The following KCNAB2 variants were observed in gnomAD, a reference collection of about 807,000 sequenced individuals.
KCNAB2 encodes potassium voltage-gated channel subfamily A regulatory beta subunit 2, also known as voltage-gated potassium channel subunit beta-2.
In KCNAB2, 29 loss-of-function variants were observed where a neutral mutation model predicts 63.6. That is an observed-to-expected ratio of 0.46 (90% confidence interval 0.34 to 0.62). KCNAB2 has a LOEUF of 0.62. Ranked by LOEUF, KCNAB2 falls within the 20% of genes least tolerant of loss-of-function variation. KCNAB2 has a pLI of 0.01. For synonymous variants in KCNAB2, 222 were observed against 224.2 expected (o/e 0.99, Z 0.09); for missense variants, 359 against 563.9 (o/e 0.64, Z 3.68).
chr1:6,009,593 A>C (rs1450574577), intron 1 of KCNAB2, among the ~76,000 whole-genome samples: 1 of 152,202 alleles, frequency 6.6e-6, no homozygotes, highest in Non-Finnish European at 1.5e-5. Context: ...CACACTTCAC[A>C]AAAGGGTGTC....
At chr1:6,055,541 A>T (rs1661746456) in intron 2 of KCNAB2, among the ~76,000 whole-genome samples, 1 of 152,074 alleles carries the variant, frequency 6.6e-6, no homozygotes, top group Non-Finnish European at 1.5e-5. Context: ...TTTTTGGTAG[A>T]GACAGAGTTT....
intron 1 of KCNAB2, among the ~76,000 whole-genome samples, chr1:6,018,344 C>T (rs530688861): frequency 2.5e-4 from 38 of 152,314 alleles, no homozygotes; most frequent in African/African-American, 7.9e-4. Context: ...AAAGCAGCCC[C>T]GGGCAATATG....
At chr1:5,995,272 C>T (rs78625297) in intron 1 of KCNAB2, among the ~76,000 whole-genome samples, 12,019 of 152,262 alleles carry the variant, frequency 0.079, 661 homozygotes, top group Middle Eastern at 0.12. Flanking sequence ...ACCCAGCAGC[C>T]GGTCATCCTT....
Position 6,099,495 on chromosome 1 carries a change from G to T in KCNAB2, c.*921G>T. 1 of 306,518 alleles carries T rather than the reference G, an allele frequency of 3.3e-6. No individual in the cohort carries two copies. Among genetic ancestry groups the T allele is most frequent in the Non-Finnish European group, 6.0e-6 (1 of 166,554 alleles). The allele number at this position is 306,518 out of a possible 1,614,324, so 19.0% of individuals were successfully genotyped here. ...GGTCATGTGCTCCTAGCTGCACGGT[G>T]GCTGCTGGCCACACCACGGCAAGTG... On this transcript the variant is annotated 3_prime_UTR_variant, in exon 16 of 16. Coordinates refer to ENST00000378083, the MANE Select transcript of KCNAB2 (RefSeq NM_001199862.2).
chr1:5,996,905 C>G (rs1171455709), intron 1 of KCNAB2, among the ~76,000 whole-genome samples: 1 of 152,202 alleles, frequency 6.6e-6, no homozygotes, highest in African/African-American at 2.4e-5. Context: ...GGAGCAACTT[C>G]CTGGGTCCTG....
intron 2 of KCNAB2, among the ~76,000 whole-genome samples, chr1:6,068,962 C>A (rs1213436618): frequency 6.6e-6 from 1 of 152,196 alleles, no homozygotes; most frequent in Non-Finnish European, 1.5e-5. Context: ...GGAGGCCAAG[C>A]CTGATAAGTA....
intron 4 of KCNAB2, among the ~76,000 whole-genome samples, chr1:6,081,881 C>T (rs1664241207): frequency 6.6e-6 from 1 of 152,230 alleles, no homozygotes. Flanking sequence ...GGATACTGTT[C>T]GACCCAGTAC....
chr1:6,067,418 GA>G, intron 2 of KCNAB2, among the ~76,000 whole-genome samples: 1 of 152,326 alleles, frequency 6.6e-6, no homozygotes, highest in East Asian at 1.9e-4. Context: ...GTGCCAACCT[GA>G]AAAGCATTGT....
intron 1 of KCNAB2, among the ~76,000 whole-genome samples, chr1:5,998,976 G>A (rs899501244): frequency 1.5e-4 from 23 of 152,218 alleles, no homozygotes; most frequent in African/African-American, 4.8e-4. Context: ...GGAAGGTGAG[G>A]GCACAGGGTG....
In KCNAB2 at chr1:6,003,626, T is replaced by TG. The variant is rs1411303275; in HGVS notation, c.-53+10839dup. Among the ~76,000 whole-genome samples, 2 of 152,214 alleles carry TG rather than the reference T, an allele frequency of 1.3e-5. No homozygotes were observed. The highest frequency in any genetic ancestry group is 2.9e-5 in the Non-Finnish European group (2 of 68,044). On this transcript the variant is annotated intron_variant, in intron 1 of 16. Transcript: ENST00000341524. The surrounding 1 kb of genome is among the most constrained non-coding windows in gnomAD (Gnocchi z 4.1). ...GTGCATCTCGCTTTATTTCCTCTCT[T>TG]GAACTATTAGGATAAAGTCACAGAG...
In KCNAB2 at chr1:5,998,453, C is replaced by T. The variant is rs963802515; in HGVS notation, c.-53+5665C>T. ...GCCCACTGACATTGAGAAGGTAGGG[C>T]TGGGGTTCACAGGAGAGGTGGGACC... On this transcript the variant is annotated intron_variant, in intron 1 of 16. Coordinates refer to the KCNAB2 transcript ENST00000341524. Among the ~76,000 whole-genome samples the T allele has an allele frequency of 2.6e-5, 4 of 152,168 alleles. No homozygotes were observed. In the East Asian group the frequency reaches 7.7e-4, roughly 29 times the overall value.
chr1:6,005,428 GTT>G lies in KCNAB2; in HGVS notation c.-53+12641_-53+12642del, dbSNP rs1557922553. Among the ~76,000 whole-genome samples, 246 of 133,712 alleles carry G rather than the reference GTT, an allele frequency of 1.8e-3. 78 individuals carry two copies. Among genetic ancestry groups the G allele is most frequent in the African/African-American group, 6.5e-3 (216 of 33,186 alleles). 87.7% of individuals were successfully genotyped at this position (133,712 alleles called of 152,430 possible). Reference sequence around the variant, plus strand: ...CTGAGGGGTGGGGGTGGAGTTGTGGGTTGTGTGAGCTGAGCTGAGGGGTGAGG... The same window carrying G: ...CTGAGGGGTGGGGGTGGAGTTGTGGGGTGTGAGCTGAGCTGAGGGGTGAGG... On this transcript the variant is annotated intron_variant, in intron 1 of 16. Coordinates refer to the KCNAB2 transcript ENST00000341524.
At chr1:6,018,295 GTC>G (rs1410892732) in intron 1 of KCNAB2, among the ~76,000 whole-genome samples, 1 of 152,190 alleles carries the variant, frequency 6.6e-6, no homozygotes, top group Non-Finnish European at 1.5e-5. Flanking sequence ...AGGAAATTCA[GTC>G]TCTATTGCAA....
intron 5 of KCNAB2, among the ~76,000 whole-genome samples, chr1:6,083,842 T>C (rs1664422754): frequency 6.6e-6 from 1 of 152,238 alleles, no homozygotes; most frequent in Admixed American, 6.5e-5. Context: ...GCAGGATTTC[T>C]GTGTCCCGCG....
chr1:6,030,835 T>C (rs984186728), upstream of KCNAB2, among the ~76,000 whole-genome samples: 11 of 151,680 alleles, frequency 7.3e-5, no homozygotes, highest in African/African-American at 2.7e-4. Flanking sequence ...TGTGTAAGTA[T>C]ATGTGTGTAG....
At chr1:6,041,993 C>G (rs1443590088), upstream of KCNAB2, 2 of 834,346 alleles carry the variant, frequency 2.4e-6, no homozygotes, top group African/African-American at 3.4e-5. Context: ...GCCCCCGAGA[C>G]CCCCAGGCTC....
intron 2 of KCNAB2, among the ~76,000 whole-genome samples, chr1:6,062,207 G>A (rs1278829931): frequency 2.6e-5 from 4 of 151,984 alleles, no homozygotes; most frequent in African/African-American, 4.8e-5. Context: ...CCAGCTACTC[G>A]GGAGGCTGAG....
At chr1:6,017,033 G>A (rs1484971301) in intron 1 of KCNAB2, among the ~76,000 whole-genome samples, 1 of 152,170 alleles carries the variant, frequency 6.6e-6, no homozygotes, top group African/African-American at 2.4e-5. Flanking sequence ...ACCGTGACCA[G>A]GAGTATGCAT....
rs139379805 is a variant in KCNAB2, at chr1:6,062,559, A to G, written c.219-10196A>G. 2.5e-3 allele frequency among the ~76,000 whole-genome samples: 382 copies of G among 152,340 alleles called. 1 individual carries two copies. The highest frequency in any genetic ancestry group is 0.014 in the Middle Eastern group (4 of 294). ...ACGGTGGAGACACCAAGATGACCACATGCAAACTGCTCCCCACCCCCTGGT... is the reference window on the plus strand; with the variant it reads ...ACGGTGGAGACACCAAGATGACCACGTGCAAACTGCTCCCCACCCCCTGGT... On this transcript the variant is annotated intron_variant, in intron 2 of 15. Coordinates refer to ENST00000378083, the MANE Select transcript of KCNAB2 (RefSeq NM_001199862.2).
Sources: allele counts gnomAD v4.1 joint callset (sites outside exome capture counted in the v4.1 genomes callset), GRCh38; gene constraint gnomAD v4.1.1; non-coding constraint Gnocchi (gnomAD v3.1); transcripts MANE v1.5; gene names NCBI Gene and HGNC (gene_info 2026-07-23, HGNC 2026-07-21).